Variants in SLC39A11 observed in about 807,000 individuals in gnomAD.
The protein encoded by SLC39A11 is solute carrier family 39 member 11, also known as zinc transporter ZIP11.
A neutral mutation model predicts 36.1 loss-of-function variants in SLC39A11; 33 were observed. The observed-to-expected ratio is 0.91, with a 90% CI of 0.69 to 1.22. The LOEUF (loss-of-function observed/expected upper bound fraction) is 1.22. Among genes scored for constraint, SLC39A11 ranks in the 50% most tolerant of loss-of-function variants. SLC39A11 has a pLI of 0.00. For missense variants in SLC39A11, 432 were observed against 430.3 expected, an observed-to-expected ratio of 1.00 and a Z score of -0.03; for synonymous variants, 166 against 170.3, an observed-to-expected ratio of 0.97 and a Z score of 0.20.
intron 6 of SLC39A11, among the ~76,000 whole-genome samples, chr17:72,816,603 A>G (rs926273238): frequency 6.6e-6 from 1 of 152,204 alleles, no homozygotes; most frequent in African/African-American, 2.4e-5. Flanking sequence ...GTGTCTGTCA[A>G]CCACGGCTGG....
intron 4 of SLC39A11, among the ~76,000 whole-genome samples, chr17:72,951,261 C>CAAAAAAAAAAAAAAAAA (rs61453793): frequency 1.1e-5 from 1 of 86,984 alleles, no homozygotes; most frequent in African/African-American, 4.5e-5. Context: ...GACCCTGTTG[C>CAAAAAAAAAAAAAAAAA]AAAAAAAAAA....
intron 6 of SLC39A11, chr17:72,838,232 T>C (rs998314359): frequency 3.5e-5 from 4 of 115,824 alleles, no homozygotes; most frequent in African/African-American, 5.3e-5. Flanking sequence ...TTTCCTTTTC[T>C]TTTTTTTTTT....
At chr17:72,914,971 C>T (rs2083251350) in intron 5 of SLC39A11, among the ~76,000 whole-genome samples, 1 of 152,052 alleles carries the variant, frequency 6.6e-6, no homozygotes, top group Non-Finnish European at 1.5e-5. Flanking sequence ...CCTGTTTCTG[C>T]TTTAGTGGCA....
At chr17:73,027,723 G>A (rs2058605551) in intron 4 of SLC39A11, among the ~76,000 whole-genome samples, 1 of 152,210 alleles carries the variant, frequency 6.6e-6, no homozygotes, top group Non-Finnish European at 1.5e-5. Flanking sequence ...AGAGTGTGAT[G>A]CCCTTCACGT....
intron 7 of SLC39A11, among the ~76,000 whole-genome samples, chr17:72,658,448 C>T (rs187519949): frequency 6.6e-6 from 1 of 152,300 alleles, no homozygotes; most frequent in African/African-American, 2.4e-5. Context: ...GAAAGGCATC[C>T]CCGGTGGGCA....
At chr17:72,875,886 G>A (rs1448774528) in intron 5 of SLC39A11, among the ~76,000 whole-genome samples, 1 of 152,104 alleles carries the variant, frequency 6.6e-6, no homozygotes, top group Non-Finnish European at 1.5e-5. Context: ...TCCACCCAGT[G>A]TGCCATATCA....
At chr17:72,706,338 T>A (rs1195262947) in intron 7 of SLC39A11, among the ~76,000 whole-genome samples, 1 of 152,186 alleles carries the variant, frequency 6.6e-6, no homozygotes, top group African/African-American at 2.4e-5. Flanking sequence ...AGTCACAGTA[T>A]CCTTGATTTT....
At chr17:72,806,957 G>C (rs1314415848) in intron 6 of SLC39A11, among the ~76,000 whole-genome samples, 1 of 152,130 alleles carries the variant, frequency 6.6e-6, no homozygotes, top group Non-Finnish European at 1.5e-5. Context: ...GATCCTACTG[G>C]ATTCATATTC....
intron 6 of SLC39A11, among the ~76,000 whole-genome samples, chr17:72,846,939 T>C (rs2079078303): frequency 6.6e-6 from 1 of 152,178 alleles, no homozygotes; most frequent in Admixed American, 6.5e-5. Context: ...TCAGGGCTCC[T>C]AAGTAGTCCT....
intron 6 of SLC39A11, among the ~76,000 whole-genome samples, chr17:72,828,337 A>C (rs555688577): frequency 6.6e-6 from 1 of 152,350 alleles, no homozygotes; most frequent in African/African-American, 2.4e-5. Context: ...AATGCAATGC[A>C]AGAAAGATTC....
intron 6 of SLC39A11, among the ~76,000 whole-genome samples, chr17:72,843,362 C>G (rs2078903803): frequency 6.6e-6 from 1 of 152,104 alleles, no homozygotes; most frequent in South Asian, 2.1e-4. Context: ...TTATGTCTCC[C>G]CAGAATTCAT....
intron 6 of SLC39A11, among the ~76,000 whole-genome samples, chr17:72,831,959 G>A (rs879388552): frequency 1.3e-5 from 2 of 152,172 alleles, no homozygotes; most frequent in African/African-American, 2.4e-5. Flanking sequence ...AAAATAAGTA[G>A]TAATAGTAGT....
intron 7 of SLC39A11, among the ~76,000 whole-genome samples, chr17:72,707,996 C>G (rs2072960585): frequency 6.6e-6 from 1 of 152,230 alleles, no homozygotes; most frequent in Admixed American, 6.5e-5. Flanking sequence ...TTGTACCAGA[C>G]ATGGTAGTCA....
chr17:72,973,647 CT>C (rs2087625252), intron 4 of SLC39A11, among the ~76,000 whole-genome samples: 4 of 151,962 alleles, frequency 2.6e-5, no homozygotes, highest in African/African-American at 4.8e-5. Context: ...CAGCCTCGAC[CT>C]CTGGGGCTCA....
At chr17:72,917,474 G>A (rs905516247) in intron 5 of SLC39A11, among the ~76,000 whole-genome samples, 16 of 152,190 alleles carry the variant, frequency 1.1e-4, no homozygotes, top group Non-Finnish European at 2.9e-5. Context: ...CCTGGAGCAT[G>A]TGAGGGACAA....
intron 4 of SLC39A11, among the ~76,000 whole-genome samples, chr17:73,028,424 T>G (rs1197006821): frequency 1.3e-5 from 2 of 152,146 alleles, no homozygotes; most frequent in Non-Finnish European, 1.5e-5. Flanking sequence ...AAGGAAACCT[T>G]TGGCCAGCCT....
intron 6 of SLC39A11, among the ~76,000 whole-genome samples, chr17:72,800,483 G>C (rs1390214732): frequency 6.6e-6 from 1 of 151,874 alleles, no homozygotes; most frequent in Non-Finnish European, 1.5e-5. Context: ...GCTAATTTTT[G>C]TATTTTTAGT....
chr17:72,890,343 C>T (rs887272657), intron 5 of SLC39A11, among the ~76,000 whole-genome samples: 1 of 151,376 alleles, frequency 6.6e-6, no homozygotes, highest in African/African-American at 2.4e-5. Flanking sequence ...TGGTATGGTC[C>T]CAGCAAGTTA....
chr17:72,867,758 G>GCA (rs751913544), intron 5 of SLC39A11, among the ~76,000 whole-genome samples: 5 of 137,312 alleles, frequency 3.6e-5, no homozygotes, highest in East Asian at 2.0e-4. Flanking sequence ...TGAAGTGCGC[G>GCA]CGCACACACA....
Sources: gnomAD v4.1 joint callset for allele counts (sites outside exome capture counted in the v4.1 genomes callset) on GRCh38, gnomAD v4.1.1 for gene constraint, MANE v1.5 for transcripts, NCBI Gene and HGNC (gene_info 2026-07-23, HGNC 2026-07-21) for gene names.